Variants in C17orf78 observed in about 807,000 individuals in gnomAD.
The protein encoded by C17orf78 is chromosome 17 open reading frame 78, also known as uncharacterized protein C17orf78.
A neutral mutation model predicts 31.8 loss-of-function variants in C17orf78; 27 were observed. The observed-to-expected ratio is 0.85, with a 90% CI of 0.63 to 1.17. C17orf78 has a LOEUF of 1.17. C17orf78 is among the 50% of genes most tolerant of loss of function. C17orf78 has a pLI of 0.00. For synonymous variants in C17orf78, 106 were observed against 115.1 expected (o/e 0.92, Z 0.51); for missense variants, 258 against 315.2 (o/e 0.82, Z 1.37).
At position 37,379,126 on chromosome 17, in the gene C17orf78, T is replaced by C; in HGVS notation, c.146-11T>C. On this transcript the variant is annotated splice_polypyrimidine_tract_variant and intron_variant, in intron 2 of 6. Coordinates refer to ENST00000615133, the MANE Select transcript of C17orf78 (RefSeq NM_173625.5). Reference sequence around the variant, plus strand: ...CAGCTCCATTTTTCTATCTGGTTCTTCTCCTTCCAGAAACTCACACAGAAA... The same window carrying C: ...CAGCTCCATTTTTCTATCTGGTTCTCCTCCTTCCAGAAACTCACACAGAAA... 2.5e-6 allele frequency: 4 copies of C among 1,608,974 alleles called. No individual in the cohort carries two copies. Among genetic ancestry groups the C allele is most frequent in the African/African-American group, 2.7e-5 (2 of 74,714 alleles).
Position 37,386,087 on chromosome 17 carries a change from C to A in C17orf78, c.470C>A (p.Thr157Asn). The change falls in exon 4 of 7, where the codon ACT becomes AAT. Residue 157 changes from threonine (T) to asparagine (N), a missense_variant. Physicochemically the swap from Thr to Asn is moderately conservative, Grantham distance 65. Coordinates refer to ENST00000615133, the MANE Select transcript of C17orf78 (RefSeq NM_173625.5). ...ETFPTTAPSI[T>N]PGNKEGEKTT... The stretch of plus-strand genomic sequence containing the variant: ...TTTCCCACCACTGCCCCTTCTATAA[C>A]TCCTGGGAATAAAGAAGGAGAGAAA... The A allele has an allele frequency of 6.3e-7, 1 of 1,598,832 alleles. No individual in the cohort carries two copies. Among genetic ancestry groups the A allele is most frequent in the Admixed American group, 1.7e-5 (1 of 59,314 alleles).
chr17:37,388,819 C>T (rs2050665567), intron 5 of C17orf78, 25 bp downstream of exon 5: 4 of 1,611,150 alleles, frequency 2.5e-6, no homozygotes, highest in Non-Finnish European at 3.4e-6. Context: ...GTATTGAATC[C>T]TTGAACTTGA....
Position 37,379,315 on chromosome 17 carries a change from T to C in C17orf78, c.324T>C (p.Ser108=). ...TTGCTGCTCCCCGCAGAAACAGCTCTGCCTCCTCAAGCTGTCACCTAATCC... is the reference window on the plus strand; with the variant it reads ...TTGCTGCTCCCCGCAGAAACAGCTCCGCCTCCTCAAGCTGTCACCTAATCC... ...RIIAAPRRNS[S]ASSSCHLIPT... The change falls in exon 3 of 7, where the codon TCT becomes TCC. Residue 108 remains serine (S), a synonymous_variant. Transcript: ENST00000615133. The C allele has an allele frequency of 6.2e-7, 1 of 1,613,928 alleles. No homozygotes were observed. Among genetic ancestry groups the C allele is most frequent in the South Asian group, 1.1e-5 (1 of 91,082 alleles).
chr17:37,388,889 T>C, intron 5 of C17orf78, 95 bp downstream of exon 5: 1 of 1,481,138 alleles, frequency 6.8e-7, no homozygotes, highest in Non-Finnish European at 9.2e-7. Context: ...AGCATAGACT[T>C]TGGAATTTGA....
chr17:37,387,100 G>A (rs1282296308), intron 4 of C17orf78, among the ~76,000 whole-genome samples: 2 of 151,318 alleles, frequency 1.3e-5, no homozygotes, highest in African/African-American at 4.9e-5. Context: ...TACAGGCATT[G>A]CCCACCACGC....
chr17:37,391,269 T>C (rs2050872933), intron 6 of C17orf78, among the ~76,000 whole-genome samples: 2 of 152,154 alleles, frequency 1.3e-5, no homozygotes, highest in African/African-American at 2.4e-5. Context: ...AGCAATCTTA[T>C]ATACATTATC....
At chr17:37,390,304 T>TTATATATATA (rs1189193698) in intron 6 of C17orf78, among the ~76,000 whole-genome samples, 15 of 17,976 alleles carry the variant, frequency 8.3e-4, no homozygotes, top group South Asian at 1.9e-3. Context: ...TTATACATAA[T>TTATATATATA]TATATATATA....
At chr17:37,384,318 A>G (rs2050433635) in intron 3 of C17orf78, among the ~76,000 whole-genome samples, 1 of 152,228 alleles carries the variant, frequency 6.6e-6, no homozygotes, top group African/African-American at 2.4e-5. Flanking sequence ...AATGGAGACT[A>G]TTTGTTATTA....
intron 1 of C17orf78, among the ~76,000 whole-genome samples, chr17:37,377,311 C>T (rs1232513952): frequency 6.6e-6 from 1 of 152,098 alleles, no homozygotes; most frequent in African/African-American, 2.4e-5. Context: ...TAGATTGGTA[C>T]ACAGTATTCT....
At position 37,377,948 on chromosome 17, in the gene C17orf78, G is replaced by C. The variant is rs755516172; in HGVS notation, c.128G>C (p.Arg43Thr). The C allele has an allele frequency of 7.4e-6, 12 of 1,613,542 alleles. No individual in the cohort carries two copies. The highest frequency in any genetic ancestry group is 1.7e-5 in the Admixed American group (1 of 59,960). Residue 43 changes from arginine (R) to threonine (T), a missense_variant, in exon 2 of 7, where the codon AGA (arginine) becomes ACA (threonine). Coordinates refer to ENST00000615133, the MANE Select transcript of C17orf78 (RefSeq NM_173625.5). ...GIFPKDVRSIRELQMQETHTE... is the reference protein window; with the variant it reads ...GIFPKDVRSITELQMQETHTE... ...TTCCCAAAAGACGTGAGAAGCATCA[G>C]AGAATTGCAAATGCAAGGTAGGGAA...
At chr17:37,390,187 TTATA>T (rs1461005397) in intron 6 of C17orf78, among the ~76,000 whole-genome samples, 3 of 44,688 alleles carry the variant, frequency 6.7e-5, no homozygotes, top group Non-Finnish European at 1.1e-4. Flanking sequence ...CACACACACA[TTATA>T]TATAAATATA....
At chr17:37,386,242 G>A (rs2050523186) in intron 4 of C17orf78, 117 bp downstream of exon 4, 2 of 643,446 alleles carry the variant, frequency 3.1e-6, no homozygotes, top group African/African-American at 1.9e-5. Context: ...TTTTCTTGAG[G>A]TTGAGAAGTT....
chr17:37,388,913 T>A, intron 5 of C17orf78, 119 bp downstream of exon 5: 1 of 1,300,862 alleles, frequency 7.7e-7, no homozygotes, highest in Non-Finnish European at 1.1e-6. Flanking sequence ...GATGTGCCAC[T>A]CACACTCACT....
At position 37,392,498 on chromosome 17, in the gene C17orf78, T is replaced by G. The variant is rs912947004; in HGVS notation, c.*774T>G. On this transcript the variant is annotated 3_prime_UTR_variant, in exon 7 of 7. Transcript: ENST00000615133. ...CTTAAATAAGAGTTTGGTGAGAAAG[T>G]GAAACCACCTGATCTTGAATCAATG... The G allele has an allele frequency of 2.0e-5, 3 of 152,088 alleles. No homozygotes were observed. Among genetic ancestry groups the G allele is most frequent in the African/African-American group, 7.2e-5 (3 of 41,422 alleles). 9.4% of individuals were successfully genotyped at this position (152,088 alleles called of 1,614,324 possible).
In C17orf78 at chr17:37,379,117, T is replaced by C. The variant is rs1299992300; in HGVS notation, c.146-20T>C. 49 of 1,601,598 alleles carry C rather than the reference T, an allele frequency of 3.1e-5. No homozygotes were observed. Among genetic ancestry groups the C allele is most frequent in the Non-Finnish European group, 4.1e-5 (48 of 1,174,782 alleles). ...AAACAAAACCAGCTCCATTTTTCTA[T>C]CTGGTTCTTCTCCTTCCAGAAACTC... On this transcript the variant is annotated intron_variant, in intron 2 of 6. Coordinates refer to ENST00000615133, the MANE Select transcript of C17orf78 (RefSeq NM_173625.5).
chr17:37,377,709 A>C (rs1402982289), intron 1 of C17orf78, among the ~76,000 whole-genome samples, 170 bp from the exon 2 acceptor site: 1 of 151,934 alleles, frequency 6.6e-6, no homozygotes, highest in South Asian at 2.1e-4. Flanking sequence ...AAATAAAAGT[A>C]AAGTCTTTTT....
chr17:37,379,988 C>T lies in C17orf78; in HGVS notation c.391+606C>T, dbSNP rs751186614. On this transcript the variant is annotated intron_variant, in intron 3 of 6. Coordinates refer to ENST00000615133, the MANE Select transcript of C17orf78 (RefSeq NM_173625.5). ...GACACATGCACACGTATGTTTACTG[C>T]GGCACTATTCACAATAGCAAAGACT... 1.6e-3 allele frequency among the ~76,000 whole-genome samples: 242 copies of T among 150,302 alleles called. 1 individual carries two copies. Among genetic ancestry groups the T allele is most frequent in the Non-Finnish European group, 2.3e-3 (155 of 67,674 alleles).
In C17orf78 at chr17:37,390,175, T is replaced by TATATATATAC. The variant is rs60788220; in HGVS notation, c.750+814_750+815insTATATATACA. 1.1e-3 allele frequency among the ~76,000 whole-genome samples: 47 copies of TATATATATAC among 44,502 alleles called. 1 individual carries two copies. Among genetic ancestry groups the TATATATATAC allele is most frequent in the African/African-American group, 3.4e-3 (29 of 8,582 alleles). 29.2% of individuals were successfully genotyped at this position (44,502 alleles called of 152,430 possible). On this transcript the variant is annotated intron_variant, in intron 6 of 6. Transcript: ENST00000615133. ...ATATATATATATATATATATATATA[T>TATATATATAC]ACACACACACATTATATATAAATAT...
intron 3 of C17orf78, among the ~76,000 whole-genome samples, chr17:37,382,917 G>A (rs1340418493): frequency 1.3e-5 from 2 of 152,024 alleles, no homozygotes. Flanking sequence ...CGCGCTTGTA[G>A]TCCCAGCTAC....
Sources: allele counts gnomAD v4.1 joint callset (sites outside exome capture counted in the v4.1 genomes callset), GRCh38; gene constraint gnomAD v4.1.1; transcripts MANE v1.5; gene names NCBI Gene and HGNC (gene_info 2026-07-23, HGNC 2026-07-21).